Variants in ARK2C observed in about 807,000 individuals in gnomAD.
The protein encoded by ARK2C is arkadia (RNF111) C-terminal like ring finger ubiquitin ligase 2C.
At chr18:46,440,612 A>C in the ARK2C span, among the ~76,000 whole-genome samples, 1 of 152,328 alleles carries the variant, frequency 6.6e-6, no homozygotes, top group East Asian at 1.9e-4. Context: ...GCTTTTTCAC[A>C]TCCTTACTTT....
chr18:46,418,357 C>CA, the ARK2C span, among the ~76,000 whole-genome samples: 3 of 150,572 alleles, frequency 2.0e-5, no homozygotes, highest in Non-Finnish European at 4.4e-5. Flanking sequence ...ACACTGTCTC[C>CA]AAAAAAAAGG....
the ARK2C span, among the ~76,000 whole-genome samples, chr18:46,355,606 C>T: frequency 3.9e-5 from 6 of 152,232 alleles, no homozygotes; most frequent in African/African-American, 1.4e-4. Flanking sequence ...TTTCCAGACA[C>T]TTGGGGACCT....
chr18:46,394,012 G>A, the ARK2C span, among the ~76,000 whole-genome samples: 1 of 152,230 alleles, frequency 6.6e-6, no homozygotes, highest in Non-Finnish European at 1.5e-5. Flanking sequence ...GGAAGCAGGT[G>A]CAGCTCGCCT....
the ARK2C span, among the ~76,000 whole-genome samples, chr18:46,375,307 C>T: frequency 6.6e-6 from 1 of 152,222 alleles, no homozygotes; most frequent in South Asian, 2.1e-4. Flanking sequence ...CATCCCAGCA[C>T]TTTGGGAGGC....
chr18:46,398,306 G>A, the ARK2C span, among the ~76,000 whole-genome samples: 1 of 151,712 alleles, frequency 6.6e-6, no homozygotes, highest in Non-Finnish European at 1.5e-5. Context: ...TCACAGTGAG[G>A]CCGCAGGGCA....
chr18:46,412,500 T>G, the ARK2C span, among the ~76,000 whole-genome samples: 2 of 152,230 alleles, frequency 1.3e-5, no homozygotes, highest in Non-Finnish European at 2.9e-5. Context: ...TGCTAGGAGA[T>G]GAGCCTCATA....
the ARK2C span, among the ~76,000 whole-genome samples, chr18:46,414,006 C>A: frequency 6.6e-6 from 1 of 152,184 alleles, no homozygotes; most frequent in African/African-American, 2.4e-5. Context: ...GAAATGTTTG[C>A]TATAATGTCC....
chr18:46,334,684 G>A, the ARK2C span: 1 of 286,596 alleles, frequency 3.5e-6, no homozygotes, highest in Non-Finnish European at 6.0e-6. The surrounding 1 kb of genome is among the most constrained non-coding windows in gnomAD (Gnocchi z 4.4). Context: ...GTGTGTGTGT[G>A]TGTGTGTGTG....
At chr18:46,426,519 T>A in the ARK2C span, among the ~76,000 whole-genome samples, 3 of 152,198 alleles carry the variant, frequency 2.0e-5, no homozygotes, top group Non-Finnish European at 4.4e-5. Context: ...GGGTTCCCCC[T>A]GTCCCAGCTG....
the ARK2C span, chr18:46,337,318 T>C: frequency 3.0e-6 from 3 of 985,406 alleles, no homozygotes; most frequent in Non-Finnish European, 3.6e-6. Context: ...TGTTCTTATT[T>C]TGTGGGTAAT....
chr18:46,357,844 C>G, the ARK2C span, among the ~76,000 whole-genome samples: 1 of 152,206 alleles, frequency 6.6e-6, no homozygotes, highest in South Asian at 2.1e-4. Flanking sequence ...AAGCTGTCCG[C>G]GGGGCCAGCC....
chr18:46,414,428 T>G, the ARK2C span, among the ~76,000 whole-genome samples: 1 of 152,216 alleles, frequency 6.6e-6, no homozygotes, highest in Non-Finnish European at 1.5e-5. Flanking sequence ...AGACCACAGC[T>G]GCTCTCTGTG....
chr18:46,384,226 C>T, the ARK2C span, among the ~76,000 whole-genome samples: 4 of 152,156 alleles, frequency 2.6e-5, no homozygotes, highest in South Asian at 4.1e-4. Flanking sequence ...TCTAGAATTC[C>T]ACTCTGGTTA....
chr18:46,405,885 C>T, the ARK2C span, among the ~76,000 whole-genome samples: 1 of 152,076 alleles, frequency 6.6e-6, no homozygotes, highest in East Asian at 1.9e-4. Context: ...CCTGTATCAA[C>T]CTTCCTGCAG....
chr18:46,391,789 C>G, the ARK2C span, among the ~76,000 whole-genome samples: 1 of 151,758 alleles, frequency 6.6e-6, no homozygotes, highest in African/African-American at 2.4e-5. Flanking sequence ...ACAATACATC[C>G]ACACACATAA....
chr18:46,345,048 G>T, the ARK2C span, among the ~76,000 whole-genome samples: 10 of 150,320 alleles, frequency 6.7e-5, no homozygotes, highest in Non-Finnish European at 1.3e-4. Context: ...CTCCTGCCTC[G>T]CTCCTTCTGG....
chr18:46,443,813 A>G, the ARK2C span, among the ~76,000 whole-genome samples: 1 of 152,176 alleles, frequency 6.6e-6, no homozygotes, highest in Non-Finnish European at 1.5e-5. Flanking sequence ...ATAATTTTTT[A>G]TATGTCCCAC....
chr18:46,368,084 G>A, the ARK2C span, among the ~76,000 whole-genome samples: 4 of 152,326 alleles, frequency 2.6e-5, no homozygotes, highest in South Asian at 4.1e-4. Flanking sequence ...GAGACTCCAC[G>A]TGGGTAATTG....
the ARK2C span, among the ~76,000 whole-genome samples, chr18:46,423,158 T>C: frequency 3.9e-5 from 6 of 152,122 alleles, no homozygotes; most frequent in African/African-American, 1.2e-4. Context: ...AGCCTTTCCT[T>C]TGGGGGATGT....
Sources: gnomAD v4.1 joint callset for allele counts (sites outside exome capture counted in the v4.1 genomes callset) on GRCh38, gnomAD v4.1.1 for gene constraint, Gnocchi (gnomAD v3.1) non-coding constraint, MANE v1.5 for transcripts, NCBI Gene and HGNC (gene_info 2026-07-23, HGNC 2026-07-21) for gene names.